The following GRM8 variants were observed in gnomAD, a reference collection of about 807,000 sequenced individuals.
The protein encoded by GRM8 is glutamate metabotropic receptor 8.
Under a neutral mutation model 87.2 loss-of-function variants are expected in GRM8, and 47 were observed. The observed-to-expected ratio is 0.54, with a 90% CI of 0.43 to 0.69. The LOEUF (loss-of-function observed/expected upper bound fraction) is 0.69. GRM8 is among the 30% of genes least tolerant of loss of function. The pLI is 0.00. For synonymous variants in GRM8, 396 were observed against 404.5 expected (o/e 0.98, Z 0.25); for missense variants, 1,019 against 1,139.2 (o/e 0.89, Z 1.52).
At chr7:126,995,198 T>C (rs914202451) in intron 3 of GRM8, among the ~76,000 whole-genome samples, 2 of 152,192 alleles carry the variant, frequency 1.3e-5, no homozygotes, top group Non-Finnish European at 2.9e-5. Flanking sequence ...AAGTCTCTTT[T>C]GAATATCTAG....
chr7:126,723,548 G>A (rs1812656880), intron 7 of GRM8, among the ~76,000 whole-genome samples: 2 of 119,086 alleles, frequency 1.7e-5, no homozygotes, highest in East Asian at 2.5e-4. Context: ...AATGCTCAGA[G>A]GCGAACCAAA....
intron 3 of GRM8, among the ~76,000 whole-genome samples, chr7:126,962,342 C>A (rs1563358128): frequency 6.6e-6 from 1 of 152,170 alleles, no homozygotes; most frequent in Non-Finnish European, 1.5e-5. Flanking sequence ...CAGCTTTTTA[C>A]AATGCCCCCA....
intron 2 of GRM8, among the ~76,000 whole-genome samples, chr7:127,196,054 T>C (rs964578213): frequency 6.6e-6 from 1 of 152,196 alleles, no homozygotes; most frequent in Non-Finnish European, 1.5e-5. Context: ...CACCTACAAG[T>C]ATTAATGGCA....
At chr7:126,769,835 G>A (rs780366688) in intron 7 of GRM8, 30 bp downstream of exon 7, 6 of 1,138,588 alleles carry the variant, frequency 5.3e-6, no homozygotes, top group African/African-American at 1.5e-5. Context: ...CGCTTTTAAT[G>A]TATTTAGACA....
chr7:126,619,539 C>T (rs1018995654), intron 7 of GRM8, among the ~76,000 whole-genome samples: 1 of 138,662 alleles, frequency 7.2e-6, no homozygotes, highest in African/African-American at 2.5e-5. Flanking sequence ...AAAAGAAATG[C>T]TATTTACATT....
chr7:127,139,730 C>A (rs775817979), intron 2 of GRM8, among the ~76,000 whole-genome samples: 7 of 152,058 alleles, frequency 4.6e-5, no homozygotes, highest in Non-Finnish European at 8.8e-5. Context: ...TAGACCAAGA[C>A]TGGGCAGTAG....
chr7:126,722,967 T>TTA (rs1812572649), intron 7 of GRM8, among the ~76,000 whole-genome samples: 1 of 134,724 alleles, frequency 7.4e-6, no homozygotes, highest in South Asian at 2.2e-4. Context: ...TATATGTAAA[T>TTA]ATATAATTTA....
At chr7:126,904,262 G>T (rs1399299297) in intron 4 of GRM8, 136 bp from the exon 5 acceptor site, 1 of 735,730 alleles carries the variant, frequency 1.4e-6, no homozygotes, top group Non-Finnish European at 2.2e-6. Context: ...CATTCTAACT[G>T]CCCGAGTCTT....
intron 2 of GRM8, among the ~76,000 whole-genome samples, chr7:127,110,829 C>A (rs2133119685): frequency 6.6e-6 from 1 of 152,254 alleles, no homozygotes; most frequent in South Asian, 2.1e-4. Context: ...GGAAAGAAAT[C>A]AAAGCCAGAG....
At chr7:127,101,883 C>T (rs1311642350) in intron 3 of GRM8, among the ~76,000 whole-genome samples, 1 of 152,262 alleles carries the variant, frequency 6.6e-6, no homozygotes, top group South Asian at 2.1e-4. Context: ...ATGAGGGAAA[C>T]TTTGTACCTT....
At chr7:127,184,353 A>G (rs1293751496) in intron 2 of GRM8, among the ~76,000 whole-genome samples, 1 of 151,982 alleles carries the variant, frequency 6.6e-6, no homozygotes, top group Non-Finnish European at 1.5e-5. Flanking sequence ...TAATATTTAA[A>G]AACCAATGAA....
chr7:126,656,910 G>A (rs1277073639), intron 7 of GRM8, among the ~76,000 whole-genome samples: 3 of 152,088 alleles, frequency 2.0e-5, no homozygotes, highest in African/African-American at 4.8e-5. Context: ...TTCTGACATC[G>A]GTTGCAGGGT....
chr7:126,768,938 A>AACAAAAAAAAAAAT (rs371172804), intron 7 of GRM8, among the ~76,000 whole-genome samples: 23 of 148,064 alleles, frequency 1.6e-4, no homozygotes, highest in South Asian at 4.2e-4. Context: ...AAAAAAAAAA[A>AACAAAAAAAAAAAT]AAATAAAGAA....
chr7:127,164,954 G>A (rs1225616612), intron 2 of GRM8, among the ~76,000 whole-genome samples: 1 of 151,528 alleles, frequency 6.6e-6, no homozygotes, highest in Non-Finnish European at 1.5e-5. Context: ...TATTGAATGA[G>A]TCTGAGATTG....
At chr7:127,058,291 G>C in intron 3 of GRM8, 1 of 364,064 alleles carries the variant, frequency 2.7e-6, no homozygotes, top group Middle Eastern at 3.6e-4. Flanking sequence ...GTTGGTAGGC[G>C]AGAACAGCAA....
chr7:126,934,118 G>T (rs187545350), intron 3 of GRM8, among the ~76,000 whole-genome samples: 385 of 152,246 alleles, frequency 2.5e-3, no homozygotes, highest in Non-Finnish European at 4.3e-3. Context: ...GAGAAATGTG[G>T]ATGGAGGCAA....
intron 3 of GRM8, among the ~76,000 whole-genome samples, chr7:127,096,287 T>C (rs1376571371): frequency 6.6e-6 from 1 of 152,098 alleles, no homozygotes; most frequent in Non-Finnish European, 1.5e-5. Context: ...AGGCTGGGTG[T>C]GGTGGTTCAT....
At chr7:126,917,440 TAATG>T (rs1804034827) in intron 3 of GRM8, among the ~76,000 whole-genome samples, 1 of 152,058 alleles carries the variant, frequency 6.6e-6, no homozygotes, top group Non-Finnish European at 1.5e-5. Context: ...ACCTTTTCCT[TAATG>T]AAAGATCTAC....
At chr7:127,220,914 C>T (rs1033663088) in intron 2 of GRM8, among the ~76,000 whole-genome samples, 2 of 152,180 alleles carry the variant, frequency 1.3e-5, no homozygotes, top group African/African-American at 2.4e-5. Flanking sequence ...TTCTTGTCCC[C>T]TTGGTCACCA....
Sources: gnomAD v4.1 joint callset for allele counts (sites outside exome capture counted in the v4.1 genomes callset) on GRCh38, gnomAD v4.1.1 for gene constraint, MANE v1.5 for transcripts, NCBI Gene and HGNC (gene_info 2026-07-23, HGNC 2026-07-21) for gene names.